Variants in FBXO38 observed in about 807,000 individuals in gnomAD.
FBXO38 encodes F-box protein 38, also known as F-box only protein 38.
A neutral mutation model predicts 131.9 loss-of-function variants in FBXO38; 53 were observed. The ratio of observed to expected loss-of-function variants is 0.40; its 90% CI spans 0.32 to 0.51. The LOEUF is 0.51. FBXO38 is among the 20% of genes least tolerant of loss of function. The pLI is 0.53. For synonymous variants in FBXO38, 452 were observed against 505.6 expected (o/e 0.89, Z 1.42); for missense variants, 1,076 against 1,475.6 (o/e 0.73, Z 4.44).
At chr5:148,384,682 C>T (rs1446727155) in intron 1 of FBXO38, 2 of 152,188 alleles carry the variant, frequency 1.3e-5, no homozygotes, top group Non-Finnish European at 2.9e-5. Context: ...CTTTACAGAC[C>T]TGAAAAGCAT....
At chr5:148,387,881 G>A (rs895552073) in intron 1 of FBXO38, among the ~76,000 whole-genome samples, 3 of 152,044 alleles carry the variant, frequency 2.0e-5, no homozygotes, top group African/African-American at 4.8e-5. Context: ...CAGTAGAGAT[G>A]GGGTTTCACT....
At chr5:148,435,681 A>C (rs1754308449) in intron 17 of FBXO38, among the ~76,000 whole-genome samples, 1 of 152,128 alleles carries the variant, frequency 6.6e-6, no homozygotes, top group African/African-American at 2.4e-5. Flanking sequence ...GAGGCAGGAG[A>C]ATGGCATGAA....
In FBXO38 at chr5:148,404,744, G is replaced by A. The variant is rs747805838; in HGVS notation, c.652G>A (p.Val218Ile). The change falls in exon 6 of 22, where the codon GTA becomes ATA. Residue 218 changes from valine (V) to isoleucine (I), a missense_variant. This residue lies in a region of FBXO38 where 66 missense variants were observed against 72.4 expected (regional missense o/e 0.91). Transcript: ENST00000340253. ...PMLRHLYMKW[V>I]RLTKPQPFKD... is the part of the protein sequence containing the mutation. ...GCTAAGGCACCTTTATATGAAGTGG[G>A]TAAGACTCACTAAACCACAGCCATT... 8 of 1,607,624 alleles carry A rather than the reference G, an allele frequency of 5.0e-6. No homozygotes were observed. The highest frequency in any genetic ancestry group is 5.9e-6 in the Non-Finnish European group (7 of 1,177,876).
intron 12 of FBXO38, among the ~76,000 whole-genome samples, chr5:148,419,364 CATA>C (rs1486119145): frequency 1.3e-4 from 20 of 151,896 alleles, no homozygotes; most frequent in Non-Finnish European, 2.8e-4. Context: ...CACACACACA[CATA>C]TAAGTTAGAT....
At chr5:148,436,620 A>G (rs1310924519) in intron 17 of FBXO38, among the ~76,000 whole-genome samples, 1 of 152,208 alleles carries the variant, frequency 6.6e-6, no homozygotes, top group Non-Finnish European at 1.5e-5. Context: ...ATCTCCTACC[A>G]TATTAGTAGT....
At chr5:148,431,295 GAAT>G (rs1295691873) in intron 15 of FBXO38, among the ~76,000 whole-genome samples, 2 of 152,170 alleles carry the variant, frequency 1.3e-5, no homozygotes, top group African/African-American at 4.8e-5. Context: ...AGGCATAAGA[GAAT>G]AATAACAAAC....
intron 1 of FBXO38, among the ~76,000 whole-genome samples, chr5:148,386,821 A>G (rs1021367586): frequency 2.0e-5 from 3 of 152,222 alleles, no homozygotes; most frequent in Non-Finnish European, 2.9e-5. Context: ...TATAGAAGTT[A>G]TATTTTACAA....
Position 148,405,886 on chromosome 5 carries a change from A to T in FBXO38, c.731-371A>T, listed in dbSNP as rs538920186. On this transcript the variant is annotated intron_variant, in intron 6 of 21. Transcript: ENST00000340253. ...GATGGACAGGACCATATCTTTTGTG[A>T]TCTTCTATAGTAGCTAATGCAACAC... Among the ~76,000 whole-genome samples, 8 of 152,228 alleles carry T rather than the reference A, an allele frequency of 5.3e-5. No homozygotes were observed. The East Asian group carries it at 1.5e-3, about 29-fold the overall frequency.
At chr5:148,436,833 G>C (rs2113658829) in intron 17 of FBXO38, among the ~76,000 whole-genome samples, 1 of 152,246 alleles carries the variant, frequency 6.6e-6, no homozygotes, top group Non-Finnish European at 1.5e-5. Flanking sequence ...GTGGTCTTTG[G>C]TCCTAAAACA....
chr5:148,439,586 G>T (rs533563376), intron 18 of FBXO38, 61 bp from the exon 19 acceptor site: 16 of 1,500,574 alleles, frequency 1.1e-5, no homozygotes, highest in Middle Eastern at 1.7e-4. Context: ...TCAAGCTCTC[G>T]GAGAGAGATT....
intron 1 of FBXO38, among the ~76,000 whole-genome samples, chr5:148,393,321 A>G (rs1758311759): frequency 6.6e-6 from 1 of 151,952 alleles, no homozygotes; most frequent in South Asian, 2.1e-4. Context: ...ACACACACAC[A>G]CAGGCAGAAG....
In FBXO38 at chr5:148,389,767, G is replaced by C. The variant is rs1052700520; in HGVS notation, c.-63-4947G>C. On this transcript the variant is annotated intron_variant, in intron 1 of 21. Coordinates refer to ENST00000340253, the MANE Select transcript of FBXO38 (RefSeq NM_205836.3). ...ATACCGGCCGGGCGTGGTGGCTCACGCCTGTAATCCCAGCACTTTGGGAGG... is the reference window on the plus strand; with the variant it reads ...ATACCGGCCGGGCGTGGTGGCTCACCCCTGTAATCCCAGCACTTTGGGAGG... The C allele has an allele frequency of 2.0e-5, 3 of 152,274 alleles. No homozygotes were observed. The East Asian group carries it at 5.8e-4, about 29-fold the overall frequency. 9.4% of individuals were successfully genotyped at this position (152,274 alleles called of 1,614,324 possible). A position where few individuals can be genotyped will look rare whatever the true frequency, so the allele number is the denominator to read the frequency against.
chr5:148,393,483 G>T (rs1169239490), intron 1 of FBXO38, among the ~76,000 whole-genome samples: 1 of 151,988 alleles, frequency 6.6e-6, no homozygotes, highest in African/African-American at 2.4e-5. Context: ...GTTAATTCCT[G>T]CTCTCCCTTC....
At chr5:148,392,574 CTTTTCTTTG>C (rs1294513958) in intron 1 of FBXO38, among the ~76,000 whole-genome samples, 16 of 117,744 alleles carry the variant, frequency 1.4e-4, no homozygotes, top group African/African-American at 6.0e-4. Flanking sequence ...TCTTTTTTTG[CTTTTCTTTG>C]TGTGTGTGTG....
At chr5:148,417,236 A>T (rs768229431) in intron 12 of FBXO38, 32 bp downstream of exon 12, 6 of 1,415,670 alleles carry the variant, frequency 4.2e-6, no homozygotes, top group Non-Finnish European at 5.0e-6. Context: ...CTCCAGATAG[A>T]AATGATTTTC....
In FBXO38 at chr5:148,394,736, A is replaced by C; in HGVS notation, c.-41A>C. ...CAGGTACTTTGAACTCAAGTAAACA[A>C]AAGGGAAGATTTTCTCGTTGATACT... On this transcript the variant is annotated 5_prime_UTR_variant, in exon 2 of 22. Transcript: ENST00000340253. The C allele has an allele frequency of 6.8e-7, 1 of 1,478,426 alleles. No individual in the cohort carries two copies. The allele number at this position is 1,478,426 out of a possible 1,614,324, so 91.6% of individuals were successfully genotyped here. A position where few individuals can be genotyped will look rare whatever the true frequency, so the allele number is the denominator to read the frequency against.
At chr5:148,419,960 TTATC>T (rs1452047668) in intron 12 of FBXO38, among the ~76,000 whole-genome samples, 36 of 151,978 alleles carry the variant, frequency 2.4e-4, no homozygotes, top group Admixed American at 2.4e-3. Flanking sequence ...GTTACTATAT[TTATC>T]AAAATTTTAT....
chr5:148,401,929 A>AT, intron 3 of FBXO38, 53 bp from the exon 4 acceptor site: 5 of 1,502,542 alleles, frequency 3.3e-6, no homozygotes, highest in Non-Finnish European at 4.5e-6. Context: ...TGCCTAGTAA[A>AT]TGTTAATGAA....
intron 15 of FBXO38, among the ~76,000 whole-genome samples, chr5:148,432,928 G>A (rs1268137124): frequency 6.6e-6 from 1 of 152,180 alleles, no homozygotes; most frequent in Non-Finnish European, 1.5e-5. Context: ...AGTAAGGTCA[G>A]AAAACGTGTT....
Sources: allele counts gnomAD v4.1 joint callset (sites outside exome capture counted in the v4.1 genomes callset), GRCh38; gene constraint gnomAD v4.1.1; regional missense constraint gnomAD v4.1.1; transcripts MANE v1.5; gene names NCBI Gene and HGNC (gene_info 2026-07-23, HGNC 2026-07-21).